TRIM51G: variants seen among roughly 807,000 people sequenced by gnomAD.
TRIM51G encodes the protein tripartite motif-containing protein 51G.
At chr11:48,982,220 C>A in the TRIM51G span, among the ~76,000 whole-genome samples, 3 of 152,076 alleles carry the variant, frequency 2.0e-5, no homozygotes, top group South Asian at 6.2e-4. Flanking sequence ...AAAAAGACAA[C>A]AATTAAACCA....
chr11:48,982,025 T>C, the TRIM51G span, among the ~76,000 whole-genome samples: 1 of 152,140 alleles, frequency 6.6e-6, no homozygotes, highest in Non-Finnish European at 1.5e-5. Context: ...AAAACATGCT[T>C]GTCCCTATTT....
chr11:48,981,764 C>T, the TRIM51G span: 79 of 1,468,774 alleles, frequency 5.4e-5, no homozygotes, highest in Non-Finnish European at 7.0e-5. Flanking sequence ...GAACATATCA[C>T]CATATGTGAT....
chr11:48,981,674 C>T, the TRIM51G span: 34 of 1,599,264 alleles, frequency 2.1e-5, no homozygotes, highest in Admixed American at 5.5e-4. Flanking sequence ...CTCTGGAAGA[C>T]TTGCAAGATT....
the TRIM51G span, among the ~76,000 whole-genome samples, chr11:48,981,995 A>C: frequency 6.6e-6 from 1 of 152,136 alleles, no homozygotes; most frequent in Non-Finnish European, 1.5e-5. Flanking sequence ...CTCGGGTTTT[A>C]ATCTTAAGTG....
chr11:48,980,742 T>A, the TRIM51G span, among the ~76,000 whole-genome samples: 2 of 152,064 alleles, frequency 1.3e-5, no homozygotes, highest in African/African-American at 2.4e-5. Flanking sequence ...TACCAAAGAG[T>A]CACACTAACT....
At chr11:48,976,545 G>A in the TRIM51G span, among the ~76,000 whole-genome samples, 2 of 151,980 alleles carry the variant, frequency 1.3e-5, no homozygotes, top group East Asian at 1.9e-4. Flanking sequence ...AATTTTACAC[G>A]TAGCTCTTCA....
At chr11:48,976,062 A>G in the TRIM51G span, 1 of 390,350 alleles carries the variant, frequency 2.6e-6, no homozygotes, top group Non-Finnish European at 4.9e-6. Flanking sequence ...TTCTTGAGGG[A>G]AAAGTTGTTC....
At chr11:48,980,898 C>G in the TRIM51G span, 53 of 484,946 alleles carry the variant, frequency 1.1e-4, no homozygotes, top group African/African-American at 9.9e-4. Flanking sequence ...GAGTAACACA[C>G]TACTAACCTT....
At chr11:48,982,196 C>T in the TRIM51G span, among the ~76,000 whole-genome samples, 1 of 151,976 alleles carries the variant, frequency 6.6e-6, no homozygotes, top group Non-Finnish European at 1.5e-5. Context: ...AACAAACCAA[C>T]CGACCAGATA....
At chr11:48,978,114 G>T in the TRIM51G span, 2 of 514,816 alleles carry the variant, frequency 3.9e-6, no homozygotes, top group Non-Finnish European at 8.1e-6. Flanking sequence ...GAAAGAATCT[G>T]CTAAAATCTT....
At chr11:48,976,734 C>G in the TRIM51G span, among the ~76,000 whole-genome samples, 1 of 152,058 alleles carries the variant, frequency 6.6e-6, no homozygotes. Context: ...TTTAACAATT[C>G]AAATGAAATA....
At chr11:48,975,624 T>C in the TRIM51G span, 2 of 1,403,768 alleles carry the variant, frequency 1.4e-6, no homozygotes, top group South Asian at 2.3e-5. Flanking sequence ...AATCCAGGAA[T>C]AATCCTACTG....
the TRIM51G span, among the ~76,000 whole-genome samples, chr11:48,976,875 C>G: frequency 6.6e-6 from 1 of 151,786 alleles, no homozygotes; most frequent in Non-Finnish European, 1.5e-5. Context: ...TACATGTGAG[C>G]CCAGAATATA....
chr11:48,978,194 A>G, the TRIM51G span: 1 of 532,110 alleles, frequency 1.9e-6, no homozygotes, highest in Non-Finnish European at 3.9e-6. Context: ...AGTGCTTTCC[A>G]CAAGATGCAT....
the TRIM51G span, chr11:48,978,138 C>A: frequency 3.8e-6 from 2 of 526,314 alleles, no homozygotes; most frequent in Non-Finnish European, 7.8e-6. Flanking sequence ...ATGTACTCAC[C>A]TTTGTAATAT....
the TRIM51G span, chr11:48,978,905 T>G: frequency 6.4e-7 from 1 of 1,566,828 alleles, no homozygotes; most frequent in Non-Finnish European, 8.8e-7. Flanking sequence ...TATGGCACAT[T>G]TGCCTCAGAT....
At chr11:48,977,203 T>C in the TRIM51G span, 2 of 1,099,348 alleles carry the variant, frequency 1.8e-6, no homozygotes, top group East Asian at 2.4e-5. Context: ...AAAGATAGAG[T>C]TACCATATCA....
At chr11:48,981,558 C>T in the TRIM51G span, 3 of 1,601,606 alleles carry the variant, frequency 1.9e-6, no homozygotes, top group Non-Finnish European at 2.6e-6. Context: ...CAAGAACTGC[C>T]ATGTCTTGCC....
the TRIM51G span, among the ~76,000 whole-genome samples, chr11:48,982,107 A>G: frequency 1.3e-5 from 2 of 152,116 alleles, no homozygotes; most frequent in South Asian, 4.2e-4. Context: ...AAACATGAGA[A>G]GATGGTCAGA....
Sources: allele counts gnomAD v4.1 joint callset (sites outside exome capture counted in the v4.1 genomes callset), GRCh38; gene constraint gnomAD v4.1.1; transcripts MANE v1.5; gene names NCBI Gene and HGNC (gene_info 2026-07-23, HGNC 2026-07-21).